The following TRMT44 variants were observed in gnomAD, a reference collection of about 807,000 sequenced individuals.
TRMT44 encodes tRNA methyltransferase 44 homolog, also known as probable tRNA (uracil-O(2)-)-methyltransferase.
In TRMT44, 78 loss-of-function variants were observed where a neutral mutation model predicts 77.3. The observed-to-expected ratio is 1.01, with a 90% CI of 0.84 to 1.22. TRMT44 has a LOEUF of 1.22. Ranked by LOEUF, TRMT44 falls within the 50% of genes most tolerant of loss-of-function variation. The pLI, the probability that TRMT44 is intolerant of heterozygous loss-of-function variation, is 0.00. For synonymous variants in TRMT44, 391 were observed against 383.3 expected, an observed-to-expected ratio of 1.02 and a Z score of -0.23; for missense variants, 1,090 against 964.4, an observed-to-expected ratio of 1.13 and a Z score of -1.73.
At position 8,451,419 on chromosome 4, in the gene TRMT44, A is replaced by G. The variant is rs1226121920; in HGVS notation, c.955-541A>G. 1.3e-5 allele frequency among the ~76,000 whole-genome samples: 2 copies of G among 152,212 alleles called. No individual in the cohort carries two copies. Among genetic ancestry groups the G allele is most frequent in the Non-Finnish European group, 1.5e-5 (1 of 68,030 alleles). On this transcript the variant is annotated intron_variant, in intron 3 of 10. Transcript: ENST00000389737. This position sits in a 1 kb window ranked among gnomAD's most constrained non-coding sequence, Gnocchi z 4.1. ...CCTAATGCCAGTTCTGAACATGACT[A>G]ATTTTAATAATGAGAGCTCATGTTT... is the stretch of plus-strand genomic sequence containing the variant.
intron 6 of TRMT44, among the ~76,000 whole-genome samples, chr4:8,455,121 C>T (rs1310033849): frequency 6.6e-6 from 1 of 152,218 alleles, no homozygotes. Context: ...GGGGGCTGTG[C>T]CCCGTGCATT....
intron 10 of TRMT44, among the ~76,000 whole-genome samples, chr4:8,474,553 T>C (rs919064543): frequency 1.3e-5 from 2 of 152,216 alleles, no homozygotes; most frequent in African/African-American, 4.8e-5. Flanking sequence ...AACATCAGTC[T>C]GTCAAAAGCA....
the TRMT44 span, among the ~76,000 whole-genome samples, chr4:8,505,684 A>T: frequency 3.3e-5 from 5 of 152,362 alleles, no homozygotes; most frequent in African/African-American, 1.2e-4. Context: ...AGGCTGAGAC[A>T]CTTGCTCAAG....
the TRMT44 span, among the ~76,000 whole-genome samples, chr4:8,504,640 G>A: frequency 6.6e-6 from 1 of 152,144 alleles, no homozygotes; most frequent in African/African-American, 2.4e-5. This position sits in a 1 kb window ranked among gnomAD's most constrained non-coding sequence, Gnocchi z 5.3. Context: ...CCACCCGGGA[G>A]GAAGTTCCCT....
intron 6 of TRMT44, among the ~76,000 whole-genome samples, chr4:8,456,610 C>T (rs75636666): frequency 3.3e-5 from 5 of 150,620 alleles, no homozygotes; most frequent in African/African-American, 4.9e-5. Flanking sequence ...CACCAGCAGG[C>T]GGGTGTATTC....
intron 2 of TRMT44, among the ~76,000 whole-genome samples, chr4:8,491,629 C>T (rs552667380): frequency 2.6e-5 from 4 of 152,362 alleles, no homozygotes; most frequent in African/African-American, 7.2e-5. Flanking sequence ...GGACCTAGTA[C>T]ACCCTCTGCA....
Position 8,452,235 on chromosome 4 carries a change from G to A in TRMT44, c.1023+207G>A, listed in dbSNP as rs764504189. On this transcript the variant is annotated intron_variant, in intron 4 of 10. Transcript: ENST00000389737. This position sits in a 1 kb window ranked among gnomAD's most constrained non-coding sequence, Gnocchi z 5.7. ...AGTTTGGGTTGAAACTTGACCTCGG[G>A]TTCCAACTTGACCTGCAGGCGGAAC... Among the ~76,000 whole-genome samples the A allele has an allele frequency of 6.6e-6, 1 of 152,186 alleles. No individual in the cohort carries two copies. Among genetic ancestry groups the A allele is most frequent in the Non-Finnish European group, 1.5e-5 (1 of 68,026 alleles).
At chr4:8,494,385 C>T (rs746554696), downstream of TRMT44, among the ~76,000 whole-genome samples, 1 of 152,196 alleles carries the variant, frequency 6.6e-6, no homozygotes, top group Admixed American at 6.5e-5. Context: ...CCTCTGCTCA[C>T]CTGAGACAAA....
At chr4:8,464,661 G>C (rs1159322239) in intron 7 of TRMT44, among the ~76,000 whole-genome samples, 1 of 152,186 alleles carries the variant, frequency 6.6e-6, no homozygotes, top group Admixed American at 6.5e-5. Flanking sequence ...CTTCGCTCAG[G>C]CTTCGTTGTG....
At chr4:8,488,351 CAAAA>C (rs1340717822) in intron 2 of TRMT44, among the ~76,000 whole-genome samples, 1 of 152,026 alleles carries the variant, frequency 6.6e-6, no homozygotes, top group Non-Finnish European at 1.5e-5. Context: ...GGGCTGAGTC[CAAAA>C]GAGTCAGCGA....
chr4:8,441,490 C>G (rs1323533200), intron 1 of TRMT44, 49 bp downstream of exon 1: 2 of 1,439,186 alleles, frequency 1.4e-6, no homozygotes, highest in Middle Eastern at 1.8e-4. Context: ...AAAAAGCATT[C>G]ATAGAACCTC....
At chr4:8,483,042 G>C (rs1010546951) in intron 2 of TRMT44, among the ~76,000 whole-genome samples, 1 of 152,072 alleles carries the variant, frequency 6.6e-6, no homozygotes, top group Non-Finnish European at 1.5e-5. Context: ...TGATATTGTG[G>C]GGTTGTTAGA....
the TRMT44 span, chr4:8,511,001 AG>A: frequency 1.6e-4 from 25 of 152,538 alleles, no homozygotes; most frequent in African/African-American, 6.0e-4. Flanking sequence ...CCACAGGTGA[AG>A]GGTGAGCATG....
the TRMT44 span, among the ~76,000 whole-genome samples, chr4:8,499,928 TAGAG>T: frequency 3.1e-3 from 471 of 152,150 alleles, 3 homozygotes; most frequent in African/African-American, 0.011. Flanking sequence ...AAAGCCAAAA[TAGAG>T]AGAGAGCTCT....
chr4:8,487,722 CT>C (rs1278795226), intron 2 of TRMT44, among the ~76,000 whole-genome samples: 2 of 151,972 alleles, frequency 1.3e-5, no homozygotes, highest in Non-Finnish European at 2.9e-5. Context: ...GTTCTTGCCC[CT>C]GCCTCAGAAA....
chr4:8,452,199 C>T lies in TRMT44; in HGVS notation c.1023+171C>T, dbSNP rs912546718. On this transcript the variant is annotated intron_variant, in intron 4 of 10. Coordinates refer to ENST00000389737, the MANE Select transcript of TRMT44 (RefSeq NM_152544.3). The surrounding 1 kb of genome is among the most constrained non-coding windows in gnomAD (Gnocchi z 5.7). ...TTGACTTCATGTGGTCCTTTTGATG[C>T]GTATACAACAAGTTTGGGTTGAAAC... Among the ~76,000 whole-genome samples, 1 of 152,184 alleles carries T rather than the reference C, an allele frequency of 6.6e-6. No individual in the cohort carries two copies. Among genetic ancestry groups the T allele is most frequent in the African/African-American group, 2.4e-5 (1 of 41,440 alleles).
intron 10 of TRMT44, among the ~76,000 whole-genome samples, chr4:8,472,928 C>CT (rs994999751): frequency 6.6e-6 from 1 of 152,184 alleles, no homozygotes; most frequent in Non-Finnish European, 1.5e-5. Context: ...GAAATACTGT[C>CT]TTTTTCACCC....
At chr4:8,456,882 G>A (rs1460784181) in intron 6 of TRMT44, among the ~76,000 whole-genome samples, 2 of 152,134 alleles carry the variant, frequency 1.3e-5, no homozygotes, top group East Asian at 3.9e-4. Context: ...GTTCCCAGAT[G>A]CCATTAAGAA....
chr4:8,510,886 G>A, the TRMT44 span: 1 of 152,584 alleles, frequency 6.6e-6, no homozygotes, highest in Non-Finnish European at 1.5e-5. Context: ...TCCCATGCCT[G>A]AGCACCCATG....
Sources: allele counts gnomAD v4.1 joint callset (sites outside exome capture counted in the v4.1 genomes callset), GRCh38; gene constraint gnomAD v4.1.1; non-coding constraint Gnocchi (gnomAD v3.1); transcripts MANE v1.5; gene names NCBI Gene and HGNC (gene_info 2026-07-23, HGNC 2026-07-21).